Variants in GRID1 observed in about 807,000 individuals in gnomAD.
GRID1 encodes glutamate receptor ionotropic, delta-1.
Under a neutral mutation model 98.0 loss-of-function variants are expected in GRID1, and 28 were observed. That is an observed-to-expected ratio of 0.29 (90% CI 0.21 to 0.39). The LOEUF (loss-of-function observed/expected upper bound fraction) is 0.39, where lower values mean the gene tolerates loss of function less well. GRID1 is among the 10% of genes least tolerant of loss of function. The pLI, the probability that GRID1 is intolerant of heterozygous loss-of-function variation, is 1.00. For synonymous variants in GRID1, 553 were observed against 538.5 expected (o/e 1.03, Z -0.37); for missense variants, 1,111 against 1,340.5 (o/e 0.83, Z 2.67).
At chr10:85,627,762 T>C (rs1017398384) in intron 13 of GRID1, among the ~76,000 whole-genome samples, 3 of 152,150 alleles carry the variant, frequency 2.0e-5, no homozygotes, top group Non-Finnish European at 4.4e-5. Flanking sequence ...AAAAGGAAGG[T>C]TGGGAGTGGG....
chr10:86,126,240 G>C lies in GRID1; in HGVS notation c.726+12579C>G, dbSNP rs186631950. ...GGAGGCCAAGGCGGGTGGATCATGA[G>C]GTCGGCAGTTCAAGATCAGCCTGGC... is the stretch of plus-strand genomic sequence containing the variant. On this transcript the variant is annotated intron_variant, in intron 4 of 15. Transcript: ENST00000327946. Among the ~76,000 whole-genome samples the C allele has an allele frequency of 1.5e-3, 231 of 152,220 alleles. 1 individual carries two copies. Among genetic ancestry groups the C allele is most frequent in the African/African-American group, 5.4e-3 (224 of 41,518 alleles).
At chr10:86,210,142 T>C (rs1231099133) in intron 2 of GRID1, among the ~76,000 whole-genome samples, 5 of 152,072 alleles carry the variant, frequency 3.3e-5, no homozygotes, top group Non-Finnish European at 2.9e-5. Context: ...GTAAATTCAT[T>C]TGTGGTTGGC....
At chr10:85,634,145 G>A (rs534667130) in intron 13 of GRID1, among the ~76,000 whole-genome samples, 43 of 151,584 alleles carry the variant, frequency 2.8e-4, no homozygotes, top group South Asian at 6.3e-4. Context: ...ATGGTAGCCT[G>A]GGCAACAAGA....
At chr10:86,171,880 C>T (rs12243396) in intron 3 of GRID1, among the ~76,000 whole-genome samples, 6,869 of 152,138 alleles carry the variant, frequency 0.045, 270 homozygotes, top group South Asian at 0.15. Flanking sequence ...AAGATTTCAG[C>T]GAAGCACCTG....
intron 8 of GRID1, among the ~76,000 whole-genome samples, chr10:85,753,900 T>C (rs1842071473): frequency 6.6e-6 from 1 of 152,238 alleles, no homozygotes. Context: ...AAGCCTTTGC[T>C]TGTATGGCCC....
chr10:86,090,132 G>C (rs1844123678), intron 4 of GRID1, among the ~76,000 whole-genome samples: 2 of 151,746 alleles, frequency 1.3e-5, no homozygotes, highest in Non-Finnish European at 2.9e-5. Flanking sequence ...GTGACTAAAA[G>C]ATATGGCCGT....
chr10:85,943,467 C>T (rs1842019477), intron 4 of GRID1, among the ~76,000 whole-genome samples: 1 of 152,126 alleles, frequency 6.6e-6, no homozygotes, highest in South Asian at 2.1e-4. Context: ...GCCAGATCAT[C>T]TTTAATATAG....
intron 4 of GRID1, among the ~76,000 whole-genome samples, chr10:86,122,409 A>G (rs1844689856): frequency 6.6e-6 from 1 of 152,258 alleles, no homozygotes; most frequent in Non-Finnish European, 1.5e-5. Context: ...TTAATGAGCC[A>G]GGGATGTGCT....
At chr10:85,768,882 T>C (rs1357280576) in intron 8 of GRID1, among the ~76,000 whole-genome samples, 1 of 152,238 alleles carries the variant, frequency 6.6e-6, no homozygotes, top group Non-Finnish European at 1.5e-5. Flanking sequence ...CCAGTAATTA[T>C]ATTTTTAGGT....
chr10:86,001,101 C>T (rs1020137926), intron 4 of GRID1, among the ~76,000 whole-genome samples: 5 of 152,168 alleles, frequency 3.3e-5, no homozygotes, highest in Non-Finnish European at 5.9e-5. Flanking sequence ...TCAAAGGCTA[C>T]ATACTGCTTG....
chr10:86,129,145 G>C (rs754281173), intron 4 of GRID1, among the ~76,000 whole-genome samples: 3 of 152,214 alleles, frequency 2.0e-5, no homozygotes, highest in Non-Finnish European at 2.9e-5. Context: ...TGGAGACACA[G>C]AGGCAGCCAA....
At chr10:86,300,272 G>T (rs1847662415) in intron 2 of GRID1, among the ~76,000 whole-genome samples, 2 of 151,798 alleles carry the variant, frequency 1.3e-5, no homozygotes, top group African/African-American at 4.8e-5. Context: ...GTTGTTGTAA[G>T]CCATCCAGTT....
intron 4 of GRID1, among the ~76,000 whole-genome samples, chr10:86,111,681 A>G (rs1589374937): frequency 6.6e-6 from 1 of 152,178 alleles, no homozygotes; most frequent in Non-Finnish European, 1.5e-5. Flanking sequence ...CACCTGGTGA[A>G]AGTGTTCACA....
At chr10:85,988,649 G>T (rs1336616744) in intron 4 of GRID1, among the ~76,000 whole-genome samples, 1 of 152,168 alleles carries the variant, frequency 6.6e-6, no homozygotes, top group Non-Finnish European at 1.5e-5. Flanking sequence ...CCTCGGCTGT[G>T]GGTTTCTGTC....
At chr10:86,093,681 A>G (rs1178449655) in intron 4 of GRID1, among the ~76,000 whole-genome samples, 1 of 152,214 alleles carries the variant, frequency 6.6e-6, no homozygotes, top group Non-Finnish European at 1.5e-5. Context: ...ACAGATCAAC[A>G]ACAAGCAGTG....
At chr10:86,338,308 G>A (rs559673119) in intron 2 of GRID1, among the ~76,000 whole-genome samples, 1 of 152,106 alleles carries the variant, frequency 6.6e-6, no homozygotes, top group Non-Finnish European at 1.5e-5. Context: ...CCCCTCGAGT[G>A]GAAAGGGAAT....
chr10:85,840,989 T>G (rs1162721254), intron 8 of GRID1, among the ~76,000 whole-genome samples: 1 of 152,154 alleles, frequency 6.6e-6, no homozygotes, highest in East Asian at 1.9e-4. Flanking sequence ...AAGAAAACAT[T>G]TTAAAATTCA....
chr10:85,760,606 A>G (rs1292612248), intron 8 of GRID1, among the ~76,000 whole-genome samples: 1 of 152,216 alleles, frequency 6.6e-6, no homozygotes, highest in South Asian at 2.1e-4. Context: ...TTGGAAAAAC[A>G]TATGAGACTG....
chr10:85,904,667 C>A (rs922606062), intron 5 of GRID1, among the ~76,000 whole-genome samples: 1 of 149,970 alleles, frequency 6.7e-6, no homozygotes, highest in East Asian at 1.9e-4. Flanking sequence ...GAAGATTTAA[C>A]GAAAAAACTC....
Sources: gnomAD v4.1 joint callset for allele counts (sites outside exome capture counted in the v4.1 genomes callset) on GRCh38, gnomAD v4.1.1 for gene constraint, MANE v1.5 for transcripts, NCBI Gene and HGNC (gene_info 2026-07-23, HGNC 2026-07-21) for gene names.